The following DSE variants were observed in gnomAD, a reference collection of about 807,000 sequenced individuals.
DSE encodes the protein dermatan-sulfate epimerase.
A neutral mutation model predicts 84.4 loss-of-function variants in DSE; 36 were observed. The ratio of observed to expected loss-of-function variants is 0.43; its 90% confidence interval spans 0.33 to 0.56. DSE has a LOEUF of 0.56. Among genes scored for constraint, DSE ranks in the 20% least tolerant of loss-of-function variants. The pLI is 0.06. For synonymous variants in DSE, 410 were observed against 430.1 expected (o/e 0.95, Z 0.58); for missense variants, 862 against 1,169.6 (o/e 0.74, Z 3.84).
chr6:116,434,567 A>T (rs1280603687), intron 5 of DSE, among the ~76,000 whole-genome samples: 2 of 152,204 alleles, frequency 1.3e-5, no homozygotes, highest in Non-Finnish European at 2.9e-5. Context: ...AGTTCTATAA[A>T]GCTAACTACA....
chr6:116,332,006 A>T (rs1477820684), intron 2 of DSE, among the ~76,000 whole-genome samples: 1 of 136,892 alleles, frequency 7.3e-6, no homozygotes, highest in Non-Finnish European at 1.5e-5. Context: ...CTATATATAT[A>T]AAAAAACTCA....
At chr6:116,374,188 G>C (rs1779782244) in intron 1 of DSE, among the ~76,000 whole-genome samples, 1 of 152,192 alleles carries the variant, frequency 6.6e-6, no homozygotes, top group Non-Finnish European at 1.5e-5. Context: ...ACTCCCAAAA[G>C]ACTAGCATTT....
chr6:116,314,605 T>A (rs1350134377), intron 2 of DSE, among the ~76,000 whole-genome samples: 2 of 152,232 alleles, frequency 1.3e-5, no homozygotes, highest in African/African-American at 4.8e-5. Context: ...TTTAAAATAA[T>A]GCTCTGGACT....
At chr6:116,262,393 C>T (rs529234313) in intron 2 of DSE, among the ~76,000 whole-genome samples, 1 of 152,226 alleles carries the variant, frequency 6.6e-6, no homozygotes, top group East Asian at 1.9e-4. Context: ...AGATTTTCTA[C>T]TTTATGAGCA....
chr6:116,408,239 T>G (rs1216335631), intron 2 of DSE, among the ~76,000 whole-genome samples: 1 of 152,230 alleles, frequency 6.6e-6, no homozygotes, highest in Non-Finnish European at 1.5e-5. Context: ...AGATTCCATC[T>G]TCTATACCCA....
At chr6:116,435,371 G>T (rs1436604410) in intron 5 of DSE, among the ~76,000 whole-genome samples, 2 of 152,268 alleles carry the variant, frequency 1.3e-5, no homozygotes, top group Admixed American at 1.3e-4. Context: ...CAAACCCAAG[G>T]ATCACAAATG....
chr6:116,407,323 A>G (rs2115014217), intron 2 of DSE, among the ~76,000 whole-genome samples: 1 of 152,278 alleles, frequency 6.6e-6, no homozygotes, highest in South Asian at 2.1e-4. Flanking sequence ...TATGGGGAGG[A>G]GAGAGTGGTT....
intron 2 of DSE, among the ~76,000 whole-genome samples, chr6:116,409,223 A>G (rs1782138209): frequency 6.6e-6 from 1 of 152,236 alleles, no homozygotes; most frequent in Non-Finnish European, 1.5e-5. Context: ...ATTTTCATTT[A>G]TCGATAAATG....
chr6:116,425,477 AT>A (rs1287573558), intron 2 of DSE, among the ~76,000 whole-genome samples: 1 of 152,210 alleles, frequency 6.6e-6, no homozygotes, highest in Non-Finnish European at 1.5e-5. Context: ...TAGAATTCTG[AT>A]TGTGAAAGAT....
At position 116,435,833 on chromosome 6, in the gene DSE, A is replaced by G. The variant is rs950301129; in HGVS notation, c.1365A>G (p.Gln455=). The change falls in exon 6 of 6, where the codon CAA becomes CAG. Residue 455 remains glutamine, a synonymous_variant. Transcript: ENST00000644252. ...NFNAGHEHPD[Q]NSFTFAPNGV... is the part of the protein sequence containing the mutation. Reference sequence around the variant, plus strand: ...ATGCAGGGCATGAACATCCTGATCAAAACTCATTTACTTTTGCTCCCAATG... The same window carrying G: ...ATGCAGGGCATGAACATCCTGATCAGAACTCATTTACTTTTGCTCCCAATG... 1.2e-6 allele frequency: 2 copies of G among 1,614,068 alleles called. No homozygotes were observed. The highest frequency in any genetic ancestry group is 1.7e-6 in the Non-Finnish European group (2 of 1,180,036).
chr6:116,266,855 A>T (rs1313678621), intron 2 of DSE, among the ~76,000 whole-genome samples: 1 of 152,192 alleles, frequency 6.6e-6, no homozygotes, highest in Non-Finnish European at 1.5e-5. Flanking sequence ...AAAAGTGCAA[A>T]TTTTTTGTTT....
At chr6:116,330,264 C>G (rs1280736525) in intron 2 of DSE, among the ~76,000 whole-genome samples, 1 of 152,124 alleles carries the variant, frequency 6.6e-6, no homozygotes. Context: ...CATTTCTTTT[C>G]TGGACATAAT....
chr6:116,329,754 T>G (rs1293341347), intron 2 of DSE, among the ~76,000 whole-genome samples: 1 of 152,248 alleles, frequency 6.6e-6, no homozygotes, highest in East Asian at 1.9e-4. Context: ...TTGCAAAAAT[T>G]AATGCTCAAA....
In DSE at chr6:116,398,254, T is replaced by C. The variant is rs1557546; in HGVS notation, c.-53-944T>C. On this transcript the variant is annotated intron_variant, in intron 1 of 5. Coordinates refer to ENST00000644252, the MANE Select transcript of DSE (RefSeq NM_013352.4). ...TAGGCTGAGGTTTTGGGGATTTTAT[T>C]TTATTTTTTTTAGTGTTTCTACATT... Among the ~76,000 whole-genome samples, 714 of 152,310 alleles carry C rather than the reference T, an allele frequency of 4.7e-3. 11 individuals are homozygous for C. The South Asian group carries it at 0.061, about 13-fold the overall frequency.
intron 1 of DSE, chr6:116,254,489 A>G: frequency 3.7e-6 from 1 of 268,516 alleles, no homozygotes; most frequent in Non-Finnish European, 7.6e-6. Context: ...ATTCATGGCT[A>G]TTACCAAAGA....
At chr6:116,345,198 C>T (rs1044259111) in intron 2 of DSE, among the ~76,000 whole-genome samples, 3 of 152,052 alleles carry the variant, frequency 2.0e-5, no homozygotes, top group South Asian at 2.1e-4. Context: ...TGTCAACATT[C>T]GACAGATCAA....
At chr6:116,272,889 T>C (rs367863552) in intron 2 of DSE, among the ~76,000 whole-genome samples, 6 of 152,358 alleles carry the variant, frequency 3.9e-5, no homozygotes, top group Admixed American at 3.9e-4. Flanking sequence ...CTAGACATGA[T>C]GCTTGCTGTC....
intron 1 of DSE, among the ~76,000 whole-genome samples, chr6:116,375,254 G>A (rs2114929943): frequency 6.6e-6 from 1 of 152,294 alleles, no homozygotes; most frequent in South Asian, 2.1e-4. Flanking sequence ...AATGAAGAAT[G>A]TATGTTTCAC....
chr6:116,348,704 A>T (rs1397443220), intron 2 of DSE, among the ~76,000 whole-genome samples: 1 of 152,232 alleles, frequency 6.6e-6, no homozygotes, highest in East Asian at 1.9e-4. Context: ...TATTCACGAT[A>T]GCAAAGACTT....
Sources: gnomAD v4.1 joint callset for allele counts (sites outside exome capture counted in the v4.1 genomes callset) on GRCh38, gnomAD v4.1.1 for gene constraint, MANE v1.5 for transcripts, NCBI Gene and HGNC (gene_info 2026-07-23, HGNC 2026-07-21) for gene names.